Variants in CELF2 observed in about 807,000 individuals in gnomAD.
The protein encoded by CELF2 is CUG triplet repeat RNA-binding protein 2.
In CELF2, 8 loss-of-function variants were observed where a neutral mutation model predicts 62.6. The observed-to-expected ratio is 0.13, with a 90% CI of 0.07 to 0.23. The LOEUF is 0.23. CELF2 is among the 10% of genes least tolerant of loss of function. CELF2 has a pLI of 1.00. For missense variants in CELF2, 333 were observed against 671.0 expected, an observed-to-expected ratio of 0.50 and a Z score of 5.56; for synonymous variants, 258 against 250.0, an observed-to-expected ratio of 1.03 and a Z score of -0.30.
rs1168932032 is a variant in CELF2, at chr10:11,086,578, T to TAAAAAAAAAAAAAAAAAAAA, written c.74+68428_74+68447dup. On this transcript the variant is annotated intron_variant, in intron 1 of 12. Transcript: ENST00000633077. The stretch of plus-strand genomic sequence containing the variant: ...AATCCATGTCTCCATTTGCATTTGT[T>TAAAAAAAAAAAAAAAAAAAA]AAAAAAAAAAAAAAAAAAAAAAAAA... Among the ~76,000 whole-genome samples the TAAAAAAAAAAAAAAAAAAAA allele has an allele frequency of 8.3e-5, 6 of 71,984 alleles. 1 individual carries two copies. Among genetic ancestry groups the TAAAAAAAAAAAAAAAAAAAA allele is most frequent in the East Asian group, 7.9e-4 (1 of 1,266 alleles). The allele number at this position is 71,984 out of a possible 152,430, so 47.2% of individuals were successfully genotyped here.
intron 2 of CELF2, among the ~76,000 whole-genome samples, chr10:11,185,408 C>A (rs1427842006): frequency 6.6e-6 from 1 of 151,916 alleles, no homozygotes; most frequent in South Asian, 2.1e-4. Context: ...TCATGATGAT[C>A]CCCCCGCTGC....
At chr10:11,179,115 G>A (rs370698841) in intron 2 of CELF2, among the ~76,000 whole-genome samples, 2 of 152,100 alleles carry the variant, frequency 1.3e-5, no homozygotes, top group South Asian at 4.1e-4. Flanking sequence ...CACATCCTTC[G>A]GAGTAATTTT....
Position 11,011,401 on chromosome 10 carries a change from A to T in CELF2, c.53+5961A>T, listed in dbSNP as rs564036520. ...GAGCTGGGCCCTGAAGGATGGGCAG[A>T]TGGAGGTGGGTGAGGGGGAGAGGGA... On this transcript the variant is annotated intron_variant, in intron 1 of 12. Transcript: ENST00000416382. The surrounding 1 kb of genome is among the most constrained non-coding windows in gnomAD (Gnocchi z 4.6). Among the ~76,000 whole-genome samples, 4 of 151,026 alleles carry T rather than the reference A, an allele frequency of 2.6e-5. No homozygotes were observed. Among genetic ancestry groups the T allele is most frequent in the African/African-American group, 9.7e-5 (4 of 41,182 alleles).
At chr10:10,761,652 G>A in the CELF2 span, among the ~76,000 whole-genome samples, 2 of 152,228 alleles carry the variant, frequency 1.3e-5, no homozygotes, top group Non-Finnish European at 2.9e-5. Flanking sequence ...TCGCAAGAGA[G>A]AACCTCCTGC....
Position 11,173,335 on chromosome 10 carries a change from A to G in CELF2, c.271+7653A>G, listed in dbSNP as rs118041232. ...CCTCAGAGCTGCCTTAGCGTGACCTACCTGCCTTTCCTTGCTTTCGCTCCA... is the reference window on the plus strand; with the variant it reads ...CCTCAGAGCTGCCTTAGCGTGACCTGCCTGCCTTTCCTTGCTTTCGCTCCA... On this transcript the variant is annotated intron_variant, in intron 2 of 12. Transcript: ENST00000633077. 7.0e-3 allele frequency among the ~76,000 whole-genome samples: 1,072 copies of G among 152,302 alleles called. 4 individuals are homozygous for G. The highest frequency in any genetic ancestry group is 0.011 in the Non-Finnish European group (775 of 68,026).
rs573470287 is a variant in CELF2 at position 11,077,490 on chromosome 10, C to G, written c.74+59327C>G. On this transcript the variant is annotated intron_variant, in intron 1 of 12. Transcript: ENST00000633077. ...ATCAAAATACCAGAAGTAATGAGGT[C>G]AATTTGTTGGCGTTCGAAACTTCTG... Among the ~76,000 whole-genome samples, 4 of 152,268 alleles carry G rather than the reference C, an allele frequency of 2.6e-5. No homozygotes were observed. In the South Asian group the frequency reaches 6.2e-4, roughly 24 times the overall value.
rs1398343411 is a variant in CELF2, at chr10:10,947,349, A to C, written c.89+27350A>C. 3 of 152,630 alleles carry C rather than the reference A, an allele frequency of 2.0e-5. No homozygotes were observed. The highest frequency in any genetic ancestry group is 7.2e-5 in the African/African-American group (3 of 41,448). 9.5% of individuals were successfully genotyped at this position (152,630 alleles called of 1,614,324 possible). A position where few individuals can be genotyped will look rare whatever the true frequency, so the allele number is the denominator to read the frequency against. On this transcript the variant is annotated intron_variant, in intron 2 of 13. Transcript: ENST00000636488. This position sits in a 1 kb window ranked among gnomAD's most constrained non-coding sequence, Gnocchi z 4.1. ...TTGGGCACAGATGGGAGGCAGGGTT[A>C]TTTACCATTTTACTCTCCCTCCCTG...
chr10:11,058,070 G>GA (rs34621194), intron 1 of CELF2, among the ~76,000 whole-genome samples: 31,759 of 126,446 alleles, frequency 0.25, 3,542 homozygotes, highest in Middle Eastern at 0.32. Context: ...ATCTGAAGAG[G>GA]AAAAAAAAAA....
At chr10:10,948,831 G>T (rs760745982) in intron 2 of CELF2, among the ~76,000 whole-genome samples, 1 of 151,974 alleles carries the variant, frequency 6.6e-6, no homozygotes, top group Non-Finnish European at 1.5e-5. Flanking sequence ...CCTTCTTATC[G>T]TGATCAAAAC....
intron 2 of CELF2, among the ~76,000 whole-genome samples, chr10:11,175,567 A>C (rs1262542968): frequency 6.6e-6 from 1 of 152,218 alleles, no homozygotes; most frequent in East Asian, 1.9e-4. Context: ...TGGTGAACTT[A>C]GAGCATGTTA....
At chr10:11,116,152 C>T (rs1161841442) in intron 1 of CELF2, among the ~76,000 whole-genome samples, 1 of 152,204 alleles carries the variant, frequency 6.6e-6, no homozygotes, top group African/African-American at 2.4e-5. Flanking sequence ...AATTGCTTCT[C>T]TGCAAGAATG....
intron 2 of CELF2, among the ~76,000 whole-genome samples, chr10:11,198,610 T>C (rs565040012): frequency 6.6e-6 from 1 of 152,348 alleles, no homozygotes; most frequent in Admixed American, 6.5e-5. Context: ...TAGCCATAGT[T>C]ACAGAATGTG....
rs2096062415 is a variant in CELF2 at position 11,333,247 on chromosome 10, C to G, written c.*4194C>G. 6.6e-6 allele frequency: 1 copy of G among 152,372 alleles called. No homozygotes were observed. Among genetic ancestry groups the G allele is most frequent in the Non-Finnish European group, 1.5e-5 (1 of 68,026 alleles). The allele number at this position is 152,372 out of a possible 1,614,324, so 9.4% of individuals were successfully genotyped here. On this transcript the variant is annotated 3_prime_UTR_variant, in exon 13 of 13. Transcript: ENST00000633077. ...CTTTTTGCCCTTCTCCAAAAAATAA[C>G]CTTCCACAGAGACAAACTGTCCTTC...
rs2076021486 is a variant in CELF2 at position 11,247,659 on chromosome 10, G to C, written c.355-1494G>C. On this transcript the variant is annotated intron_variant, in intron 3 of 12. Transcript: ENST00000633077. The surrounding 1 kb of genome is among the most constrained non-coding windows in gnomAD (Gnocchi z 5.4). The stretch of plus-strand genomic sequence containing the variant: ...ACCTGAAGGGAGGACCTTCTTCACT[G>C]GCCTTTGTTCCCAGTTTTTGGCCTA... 6.7e-6 allele frequency among the ~76,000 whole-genome samples: 1 copy of C among 149,354 alleles called. No homozygotes were observed. Among genetic ancestry groups the C allele is most frequent in the Admixed American group, 6.8e-5 (1 of 14,664 alleles).
In CELF2 at chr10:10,993,104, C is replaced by A. The variant is rs1191360978; in HGVS notation, c.89+73105C>A. Among the ~76,000 whole-genome samples the A allele has an allele frequency of 6.6e-6, 1 of 152,098 alleles. No homozygotes were observed. Among genetic ancestry groups the A allele is most frequent in the Non-Finnish European group, 1.5e-5 (1 of 68,004 alleles). On this transcript the variant is annotated intron_variant, in intron 2 of 13. Coordinates refer to the CELF2 transcript ENST00000636488. This position sits in a 1 kb window ranked among gnomAD's most constrained non-coding sequence, Gnocchi z 5.3. ...GATCCAGGGCAGGGCAGAACAATTG[C>A]AGGGCCAGCTGCTGTTTCCCACCGA... is the stretch of plus-strand genomic sequence containing the variant.
chr10:11,088,237 A>G (rs1372759836), intron 1 of CELF2, among the ~76,000 whole-genome samples: 2 of 152,238 alleles, frequency 1.3e-5, no homozygotes, highest in Non-Finnish European at 2.9e-5. Flanking sequence ...ACCCATGGCT[A>G]TGAGGGGAAA....
rs1355294226 is a variant in CELF2 at position 11,285,464 on chromosome 10, G to A, written c.842-2954G>A. Among the ~76,000 whole-genome samples the A allele has an allele frequency of 6.6e-6, 1 of 152,204 alleles. No individual in the cohort carries two copies. The highest frequency in any genetic ancestry group is 2.4e-5 in the African/African-American group (1 of 41,448). ...GTTGGATGGTAAAGTGTGTGGAGGA[G>A]AAATGAAGAGGAGGACACCCAGGCC... On this transcript the variant is annotated intron_variant, in intron 8 of 12. Coordinates refer to ENST00000633077, the MANE Select transcript of CELF2 (RefSeq NM_001326342.2). The surrounding 1 kb of genome is among the most constrained non-coding windows in gnomAD (Gnocchi z 4.3).
chr10:11,123,142 G>A (rs2058079377), intron 1 of CELF2, among the ~76,000 whole-genome samples: 1 of 152,188 alleles, frequency 6.6e-6, no homozygotes. Context: ...AGATGTTATG[G>A]GAGGAGGCAC....
chr10:10,474,344 A>G, the CELF2 span, among the ~76,000 whole-genome samples: 6 of 152,056 alleles, frequency 3.9e-5, no homozygotes, highest in Non-Finnish European at 8.8e-5. Context: ...GTAAGTTGGC[A>G]TGGTGGGAGC....
Sources: gnomAD v4.1 joint callset for allele counts (sites outside exome capture counted in the v4.1 genomes callset) on GRCh38, gnomAD v4.1.1 for gene constraint, Gnocchi (gnomAD v3.1) non-coding constraint, MANE v1.5 for transcripts, NCBI Gene and HGNC (gene_info 2026-07-23, HGNC 2026-07-21) for gene names.